The following REV3L variants were observed in gnomAD, a reference collection of about 807,000 sequenced individuals.
The protein encoded by REV3L is DNA polymerase zeta catalytic subunit.
In REV3L, 69 loss-of-function variants were observed where a neutral mutation model predicts 299.4. That is an observed-to-expected ratio of 0.23 (90% confidence interval 0.19 to 0.28). The LOEUF (loss-of-function observed/expected upper bound fraction) is 0.28. REV3L is among the 10% of genes least tolerant of loss of function. The pLI is 1.00. For synonymous variants in REV3L, 1,238 were observed against 1,271.4 expected, an observed-to-expected ratio of 0.97 and a Z score of 0.56; for missense variants, 3,128 against 3,693.8, an observed-to-expected ratio of 0.85 and a Z score of 3.97.
At position 111,299,975 on chromosome 6, in the gene REV3L, A is replaced by C. The variant is rs1301345708; in HGVS notation, c.*41T>G. On this transcript the variant is annotated 3_prime_UTR_variant, in exon 32 of 32. Coordinates refer to ENST00000368802, the MANE Select transcript of REV3L (RefSeq NM_001372078.1). The stretch of plus-strand genomic sequence containing the variant: ...CATGCACAACAGTTTAGTGGTAAGC[A>C]CTGAAAAAAATAGCACCTGTAATAC... 1 of 1,584,728 alleles carries C rather than the reference A, an allele frequency of 6.3e-7. No homozygotes were observed. The highest frequency in any genetic ancestry group is 2.3e-5 in the East Asian group (1 of 44,378).
chr6:111,392,733 T>G (rs1782065524), intron 5 of REV3L, 143 bp downstream of exon 5: 1 of 533,658 alleles, frequency 1.9e-6, no homozygotes, highest in Admixed American at 3.1e-5. Context: ...AATACACTAA[T>G]GTCAAGGTTT....
chr6:111,404,601 C>A (rs910116159), intron 4 of REV3L, among the ~76,000 whole-genome samples: 12 of 152,168 alleles, frequency 7.9e-5, no homozygotes, highest in African/African-American at 2.9e-4. Context: ...TCAAGATGCT[C>A]TAGGCTGCTC....
chr6:111,304,822 A>G (rs1486830686), intron 31 of REV3L, among the ~76,000 whole-genome samples: 1 of 151,982 alleles, frequency 6.6e-6, no homozygotes, highest in Non-Finnish European at 1.5e-5. Flanking sequence ...ATGAGTACCC[A>G]ATGTTCATTA....
chr6:111,372,585 T>A lies in REV3L; in HGVS notation c.5759+11A>T. On this transcript the variant is annotated intron_variant, in intron 13 of 31. Transcript: ENST00000368802. ...ATTCAGAGTGACCCAAGGGAAAAAATAACTGATTACCTGGGCTTTTCTGGT... is the reference window on the plus strand; with the variant it reads ...ATTCAGAGTGACCCAAGGGAAAAAAAAACTGATTACCTGGGCTTTTCTGGT... 2 of 1,472,734 alleles carry A rather than the reference T, an allele frequency of 1.4e-6. No homozygotes were observed. The highest frequency in any genetic ancestry group is 1.8e-6 in the Non-Finnish European group (2 of 1,111,758). The allele number at this position is 1,472,734 out of a possible 1,614,324, so 91.2% of individuals were successfully genotyped here.
chr6:111,308,234 C>T lies in REV3L; in HGVS notation c.9043-664G>A, dbSNP rs920825981. 7.5e-5 allele frequency: 34 copies of T among 452,688 alleles called. No individual in the cohort carries two copies. In the East Asian group the frequency reaches 1.2e-3, roughly 16 times the overall value. 28.0% of individuals were successfully genotyped at this position (452,688 alleles called of 1,614,324 possible). A position where few individuals can be genotyped will look rare whatever the true frequency, so the allele number is the denominator to read the frequency against. ...AAGTCTTTGCTATTGTGAATAGTGC[C>T]GCAATAAATCCCTTTGTAAAAAAGT... is the stretch of plus-strand genomic sequence containing the variant. On this transcript the variant is annotated intron_variant, in intron 30 of 31. Coordinates refer to ENST00000368802, the MANE Select transcript of REV3L (RefSeq NM_001372078.1).
chr6:111,443,045 C>T (rs1788453485), intron 1 of REV3L, among the ~76,000 whole-genome samples: 1 of 152,120 alleles, frequency 6.6e-6, no homozygotes, highest in African/African-American at 2.4e-5. Flanking sequence ...CACTTAAATA[C>T]CTATCTTAAA....
At chr6:111,442,544 T>C (rs957697669) in intron 1 of REV3L, among the ~76,000 whole-genome samples, 2 of 152,232 alleles carry the variant, frequency 1.3e-5, no homozygotes, top group Non-Finnish European at 2.9e-5. Flanking sequence ...ATGATTCTTA[T>C]GAGCTGCATA....
chr6:111,477,438 G>C (rs1248806690), intron 1 of REV3L, among the ~76,000 whole-genome samples: 1 of 152,218 alleles, frequency 6.6e-6, no homozygotes, highest in Non-Finnish European at 1.5e-5. Flanking sequence ...GGTGCTCTGA[G>C]AGTCTGTGAT....
At chr6:111,476,134 A>C (rs1272284921) in intron 1 of REV3L, among the ~76,000 whole-genome samples, 2 of 152,186 alleles carry the variant, frequency 1.3e-5, no homozygotes, top group Non-Finnish European at 2.9e-5. Context: ...ATAATTTTAA[A>C]TAATGTTACA....
At chr6:111,331,291 TAGA>T (rs763162983) in intron 24 of REV3L, among the ~76,000 whole-genome samples, 1 of 152,150 alleles carries the variant, frequency 6.6e-6, no homozygotes, top group Non-Finnish European at 1.5e-5. Context: ...TAAAATAATG[TAGA>T]AGAACAACTA....
chr6:111,303,061 C>G (rs943774503), intron 31 of REV3L, among the ~76,000 whole-genome samples: 2 of 150,970 alleles, frequency 1.3e-5, no homozygotes, highest in African/African-American at 4.9e-5. Context: ...GTGGAAGGAT[C>G]ACTTTTTTTT....
At chr6:111,351,529 T>C in intron 19 of REV3L, 147 bp downstream of exon 19, 2 of 502,354 alleles carry the variant, frequency 4.0e-6, no homozygotes, top group Non-Finnish European at 3.6e-6. Context: ...TAATTTTTTC[T>C]ACAATGGAGT....
chr6:111,400,810 A>T (rs987744038), intron 4 of REV3L, among the ~76,000 whole-genome samples: 2 of 151,962 alleles, frequency 1.3e-5, no homozygotes, highest in Non-Finnish European at 2.9e-5. Context: ...ATTTTCCCTT[A>T]TTTTCTGCTA....
chr6:111,422,558 A>G (rs1785482883), intron 1 of REV3L, among the ~76,000 whole-genome samples: 1 of 135,964 alleles, frequency 7.4e-6, no homozygotes, highest in Admixed American at 7.7e-5. Context: ...TATATGGGTG[A>G]TTCTTTTATA....
chr6:111,455,714 AAT>A (rs1193775598), intron 1 of REV3L, among the ~76,000 whole-genome samples: 1 of 152,248 alleles, frequency 6.6e-6, no homozygotes, highest in African/African-American at 2.4e-5. Context: ...TTTATGATTA[AAT>A]AAAAAGAAAT....
chr6:111,333,846 C>T (rs565645815), intron 22 of REV3L, among the ~76,000 whole-genome samples: 51 of 152,290 alleles, frequency 3.3e-4, no homozygotes, highest in African/African-American at 9.1e-4. Flanking sequence ...CCTATTCCTA[C>T]GACTTTTATA....
At chr6:111,467,625 T>C (rs1217971598) in intron 1 of REV3L, among the ~76,000 whole-genome samples, 2 of 152,208 alleles carry the variant, frequency 1.3e-5, no homozygotes, top group African/African-American at 2.4e-5. Context: ...TCCTTGTTAT[T>C]ACTACCTTAA....
chr6:111,340,958 T>C (rs1776417690), intron 21 of REV3L, among the ~76,000 whole-genome samples: 1 of 151,940 alleles, frequency 6.6e-6, no homozygotes, highest in Non-Finnish European at 1.5e-5. Flanking sequence ...ATTCCGGGGC[T>C]TATAAACAAA....
chr6:111,475,633 C>T (rs533878340), intron 1 of REV3L, among the ~76,000 whole-genome samples: 2 of 152,098 alleles, frequency 1.3e-5, no homozygotes, highest in South Asian at 4.2e-4. Flanking sequence ...TATGAATTCT[C>T]TTTGCTAATT....
Sources: allele counts gnomAD v4.1 joint callset (sites outside exome capture counted in the v4.1 genomes callset), GRCh38; gene constraint gnomAD v4.1.1; transcripts MANE v1.5; gene names NCBI Gene and HGNC (gene_info 2026-07-23, HGNC 2026-07-21).